The following DDX4 variants were observed in gnomAD, a reference collection of about 807,000 sequenced individuals.
DDX4 encodes DEAD-box helicase 4.
A neutral mutation model predicts 100.0 loss-of-function variants in DDX4; 25 were observed. The observed-to-expected ratio is 0.25, with a 90% CI of 0.18 to 0.35. The LOEUF (loss-of-function observed/expected upper bound fraction) is 0.35. Among genes scored for constraint, DDX4 ranks in the 10% least tolerant of loss-of-function variants. The pLI is 1.00. For missense variants in DDX4, 635 were observed against 882.4 expected, an observed-to-expected ratio of 0.72 and a Z score of 3.55; for synonymous variants, 259 against 275.7, an observed-to-expected ratio of 0.94 and a Z score of 0.60.
At chr5:55,744,138 T>C (rs181522575) in intron 2 of DDX4, among the ~76,000 whole-genome samples, 1 of 152,174 alleles carries the variant, frequency 6.6e-6, no homozygotes, top group African/African-American at 2.4e-5. Flanking sequence ...GGAAAAATGT[T>C]TGGATGACTC....
At chr5:55,763,874 C>A in intron 5 of DDX4, 140 bp from the exon 6 acceptor site, 1 of 606,574 alleles carries the variant, frequency 1.6e-6, no homozygotes, top group Admixed American at 2.8e-5. Flanking sequence ...GTTGTACAGC[C>A]TGAGTGAATT....
At chr5:55,784,056 T>A (rs1050768664) in intron 10 of DDX4, among the ~76,000 whole-genome samples, 3 of 152,152 alleles carry the variant, frequency 2.0e-5, no homozygotes, top group African/African-American at 7.2e-5. Flanking sequence ...GTTCTTATTG[T>A]TCATCTCCCA....
At chr5:55,802,120 T>C (rs1743354468) in intron 18 of DDX4, among the ~76,000 whole-genome samples, 1 of 152,184 alleles carries the variant, frequency 6.6e-6, no homozygotes. Flanking sequence ...AAATACGAAA[T>C]CCAGGTGAGA....
chr5:55,807,812 C>T (rs1448560787), intron 18 of DDX4, among the ~76,000 whole-genome samples: 1 of 152,130 alleles, frequency 6.6e-6, no homozygotes, highest in African/African-American at 2.4e-5. Context: ...TGGAGTTGCT[C>T]TTCTCGAGGA....
rs536965527 is a variant in DDX4, at chr5:55,814,340, A to G, written c.1716-561A>G. ...TGATTTTTGTCAGACTTGAGATTGT[A>G]GTCTGTCTCTACATATTAGCTGTTA... On this transcript the variant is annotated intron_variant, in intron 19 of 21. Coordinates refer to ENST00000505374, the MANE Select transcript of DDX4 (RefSeq NM_024415.3). 2.0e-5 allele frequency among the ~76,000 whole-genome samples: 3 copies of G among 152,346 alleles called. No individual in the cohort carries two copies. In the South Asian group the frequency reaches 6.2e-4, roughly 32 times the overall value.
At chr5:55,805,534 GA>G (rs1171402809) in intron 18 of DDX4, among the ~76,000 whole-genome samples, 1 of 152,126 alleles carries the variant, frequency 6.6e-6, no homozygotes, top group Non-Finnish European at 1.5e-5. Context: ...TTAGCATGAA[GA>G]GTTGTTGAAT....
intron 5 of DDX4, 123 bp from the exon 6 acceptor site, chr5:55,763,891 T>TTAA: frequency 1.5e-6 from 1 of 657,648 alleles, no homozygotes; most frequent in Non-Finnish European, 2.7e-6. Flanking sequence ...AATTTGCATG[T>TTAA]GATAGCTATG....
chr5:55,784,265 A>G (rs981029846), intron 10 of DDX4, among the ~76,000 whole-genome samples: 1 of 152,152 alleles, frequency 6.6e-6, no homozygotes, highest in Non-Finnish European at 1.5e-5. Flanking sequence ...TGGAGTTCTG[A>G]TGTCCAAGGA....
chr5:55,755,467 CT>C (rs1759865692), intron 3 of DDX4, among the ~76,000 whole-genome samples: 3 of 151,988 alleles, frequency 2.0e-5, no homozygotes, highest in Admixed American at 2.0e-4. Flanking sequence ...TTTAAATGAA[CT>C]TTGTGTTCCT....
chr5:55,805,977 TATTA>T (rs1325119283), intron 18 of DDX4, among the ~76,000 whole-genome samples: 1 of 152,210 alleles, frequency 6.6e-6, no homozygotes, highest in Non-Finnish European at 1.5e-5. Context: ...GTTGGTAAGC[TATTA>T]ATTATTACCT....
At chr5:55,773,661 C>T (rs1336300165) in intron 7 of DDX4, among the ~76,000 whole-genome samples, 2 of 151,940 alleles carry the variant, frequency 1.3e-5, no homozygotes, top group African/African-American at 2.4e-5. Context: ...GGGTCTTACT[C>T]TCACCCAGGC....
chr5:55,768,613 G>C (rs1741074570), intron 7 of DDX4, among the ~76,000 whole-genome samples: 1 of 152,122 alleles, frequency 6.6e-6, no homozygotes, highest in African/African-American at 2.4e-5. Flanking sequence ...CTTTATGGTA[G>C]AATTATTTAT....
intron 8 of DDX4, 138 bp downstream of exon 8, chr5:55,780,203 C>T: frequency 7.8e-7 from 1 of 1,280,844 alleles, no homozygotes; most frequent in Middle Eastern, 2.3e-4. Flanking sequence ...CATTAATCAC[C>T]ACATTGTATA....
At chr5:55,787,057 A>G (rs1472124716) in intron 14 of DDX4, among the ~76,000 whole-genome samples, 1 of 152,222 alleles carries the variant, frequency 6.6e-6, no homozygotes, top group Non-Finnish European at 1.5e-5. Flanking sequence ...TGCATTGTGC[A>G]TGATTCCTTA....
At chr5:55,766,576 A>G (rs1296403344) in intron 6 of DDX4, among the ~76,000 whole-genome samples, 1 of 151,908 alleles carries the variant, frequency 6.6e-6, no homozygotes, top group African/African-American at 2.4e-5. Context: ...TGTCTTGTTA[A>G]TGGCTCTTCA....
At position 55,791,976 on chromosome 5, in the gene DDX4, T is replaced by C. The variant is rs192182194; in HGVS notation, c.1303-665T>C. Among the ~76,000 whole-genome samples, 288 of 151,768 alleles carry C rather than the reference T, an allele frequency of 1.9e-3. 3 individuals are homozygous for C. The Middle Eastern group carries it at 0.027, about 14-fold the overall frequency. ...AACACACACACACACACACAAAAAT[T>C]AGCCAGGCATGGGGGCATGTGCCTG... is the stretch of plus-strand genomic sequence containing the variant. On this transcript the variant is annotated intron_variant, in intron 16 of 21. Transcript: ENST00000505374.
At chr5:55,742,646 T>C (rs1448524228) in intron 2 of DDX4, among the ~76,000 whole-genome samples, 2 of 152,088 alleles carry the variant, frequency 1.3e-5, no homozygotes, top group Non-Finnish European at 2.9e-5. Flanking sequence ...TGCATTTGGG[T>C]GGTTTGAGAG....
chr5:55,793,888 C>A (rs1742747053), intron 17 of DDX4, among the ~76,000 whole-genome samples: 1 of 152,152 alleles, frequency 6.6e-6, no homozygotes, highest in South Asian at 2.1e-4. Flanking sequence ...ACCTGTGAAT[C>A]CTATGGTTAT....
intron 3 of DDX4, among the ~76,000 whole-genome samples, chr5:55,758,260 A>T (rs947805147): frequency 6.6e-6 from 1 of 152,144 alleles, no homozygotes; most frequent in Non-Finnish European, 1.5e-5. Context: ...ATACCCTTGC[A>T]TACTGGGATA....
Sources: gnomAD v4.1 joint callset for allele counts (sites outside exome capture counted in the v4.1 genomes callset) on GRCh38, gnomAD v4.1.1 for gene constraint, MANE v1.5 for transcripts, NCBI Gene and HGNC (gene_info 2026-07-23, HGNC 2026-07-21) for gene names.